SNX9: variants seen among roughly 807,000 people sequenced by gnomAD.
The protein encoded by SNX9 is sorting nexin-9.
In SNX9, 44 loss-of-function variants were observed where a neutral mutation model predicts 89.4. That is an observed-to-expected ratio of 0.49 (90% CI 0.39 to 0.63). The LOEUF is 0.63. Among genes scored for constraint, SNX9 ranks in the 30% least tolerant of loss-of-function variants. The pLI is 0.00. For missense variants in SNX9, 578 were observed against 736.1 expected (o/e 0.79, Z 2.49); for synonymous variants, 236 against 247.8 (o/e 0.95, Z 0.45).
At chr6:157,911,690 A>G (rs1029467522) in intron 9 of SNX9, among the ~76,000 whole-genome samples, 4 of 152,232 alleles carry the variant, frequency 2.6e-5, no homozygotes, top group Non-Finnish European at 4.4e-5. Context: ...TAAGATGTGG[A>G]CTGACTAATC....
intron 7 of SNX9, among the ~76,000 whole-genome samples, chr6:157,908,720 A>G (rs1783271936): frequency 6.6e-6 from 1 of 151,412 alleles, no homozygotes; most frequent in Non-Finnish European, 1.5e-5. Context: ...CAGTGCCTAG[A>G]AGAAATGATC....
intron 1 of SNX9, among the ~76,000 whole-genome samples, chr6:157,860,810 G>A (rs1782105814): frequency 6.6e-6 from 1 of 152,176 alleles, no homozygotes; most frequent in African/African-American, 2.4e-5. Context: ...TTTGATTTAT[G>A]TATTTTAAGT....
At chr6:157,916,267 C>T (rs1489251972) in intron 9 of SNX9, among the ~76,000 whole-genome samples, 1 of 152,146 alleles carries the variant, frequency 6.6e-6, no homozygotes, top group African/African-American at 2.4e-5. Context: ...ATCTCCTGAC[C>T]TCATGATTCA....
intron 4 of SNX9, 151 bp from the exon 5 acceptor site, chr6:157,896,676 A>G: frequency 1.1e-6 from 1 of 902,728 alleles, no homozygotes; most frequent in Non-Finnish European, 1.8e-6. Flanking sequence ...TTTGGAAATT[A>G]AAATATTATG....
intron 7 of SNX9, among the ~76,000 whole-genome samples, chr6:157,908,392 C>T (rs1197874907): frequency 6.6e-6 from 1 of 152,088 alleles, no homozygotes; most frequent in East Asian, 1.9e-4. Flanking sequence ...GATTATAACT[C>T]AATTATTTTT....
Position 157,907,838 on chromosome 6 carries a change from C to T in SNX9, c.705+1626C>T, listed in dbSNP as rs542265029. ...AACCTTGCCCACTCATGAAACAGAG[C>T]CCCGTGAAATTGGGCCTTAGCCAAG... On this transcript the variant is annotated intron_variant, in intron 7 of 17. Coordinates refer to ENST00000392185, the MANE Select transcript of SNX9 (RefSeq NM_016224.5). Among the ~76,000 whole-genome samples, 8 of 152,348 alleles carry T rather than the reference C, an allele frequency of 5.3e-5. No homozygotes were observed. The East Asian group carries it at 1.5e-3, about 29-fold the overall frequency.
chr6:157,934,879 C>G (rs1783892207), intron 13 of SNX9, among the ~76,000 whole-genome samples: 1 of 152,136 alleles, frequency 6.6e-6, no homozygotes, highest in Non-Finnish European at 1.5e-5. Flanking sequence ...TCCCTGGCAC[C>G]AATCGTAAGG....
intron 11 of SNX9, among the ~76,000 whole-genome samples, chr6:157,928,134 T>TTTTAC (rs1017932986): frequency 6.6e-6 from 1 of 152,200 alleles, no homozygotes; most frequent in Non-Finnish European, 1.5e-5. Context: ...TCTTTTCAGG[T>TTTTAC]TGGTAAATAC....
chr6:157,869,033 T>C (rs34230591), intron 2 of SNX9, among the ~76,000 whole-genome samples: 1,543 of 152,370 alleles, frequency 0.01, 10 homozygotes, highest in Non-Finnish European at 0.018. Context: ...ACAGGAAACC[T>C]GGCCCTTGCC....
chr6:157,928,738 G>T, intron 12 of SNX9, 36 bp downstream of exon 12: 1 of 1,483,316 alleles, frequency 6.7e-7, no homozygotes, highest in Non-Finnish European at 9.0e-7. Flanking sequence ...GGGCTCGTAG[G>T]GGGTGATGCA....
At chr6:157,852,088 T>A (rs1562594382) in intron 1 of SNX9, among the ~76,000 whole-genome samples, 1 of 152,226 alleles carries the variant, frequency 6.6e-6, no homozygotes, top group Non-Finnish European at 1.5e-5. Flanking sequence ...GAACTTTGGC[T>A]TACAAGTATC....
intron 9 of SNX9, among the ~76,000 whole-genome samples, chr6:157,913,577 A>G (rs1783396172): frequency 6.6e-6 from 1 of 152,198 alleles, no homozygotes; most frequent in Admixed American, 6.5e-5. Context: ...TTTGACAGCT[A>G]CCACTGCAGT....
chr6:157,827,983 A>G (rs1238933088), intron 1 of SNX9, among the ~76,000 whole-genome samples: 1 of 152,104 alleles, frequency 6.6e-6, no homozygotes, highest in Non-Finnish European at 1.5e-5. Context: ...GAATAAATGA[A>G]TTACTTAAGA....
At chr6:157,868,281 G>T (rs1041037212) in intron 2 of SNX9, among the ~76,000 whole-genome samples, 2 of 152,154 alleles carry the variant, frequency 1.3e-5, no homozygotes, top group South Asian at 2.1e-4. Flanking sequence ...ACCAAACCCT[G>T]TTTGAAATTG....
chr6:157,829,573 C>T (rs983923692), intron 1 of SNX9: 1 of 152,124 alleles, frequency 6.6e-6, no homozygotes, highest in Non-Finnish European at 1.5e-5. Context: ...TCTGTTGTAT[C>T]TAACTGATCC....
At chr6:157,901,772 C>A in intron 5 of SNX9, 126 bp from the exon 6 acceptor site, 1 of 1,063,716 alleles carries the variant, frequency 9.4e-7, no homozygotes, top group Non-Finnish European at 1.3e-6. Flanking sequence ...TATACTATAC[C>A]CTTTTCTCCA....
In SNX9 at chr6:157,927,150, C is replaced by T. The variant is rs1166126272; in HGVS notation, c.1120C>T (p.Leu374=). 1 of 1,614,134 alleles carries T rather than the reference C, an allele frequency of 6.2e-7. No homozygotes were observed. The highest frequency in any genetic ancestry group is 8.5e-7 in the Non-Finnish European group (1 of 1,179,996). Residue 374 remains leucine, a synonymous_variant, in exon 11 of 18, where the codon CTG becomes TTG. Coordinates refer to ENST00000392185, the MANE Select transcript of SNX9 (RefSeq NM_016224.5). ...TGKRKAERDE[L]AGVMIFSTME... ...AAAGAGGAAGGCCGAGAGAGATGAG[C>T]TGGCGGGAGTCATGATATTTTCCAC...
intron 13 of SNX9, among the ~76,000 whole-genome samples, chr6:157,933,753 A>T (rs1011660497): frequency 5.9e-5 from 9 of 152,122 alleles, no homozygotes; most frequent in African/African-American, 9.7e-5. Flanking sequence ...TGTCCTAGAG[A>T]TGCTGGAATT....
intron 4 of SNX9, among the ~76,000 whole-genome samples, chr6:157,876,729 A>T (rs779944799): frequency 6.6e-5 from 10 of 152,254 alleles, no homozygotes; most frequent in Non-Finnish European, 1.5e-4. Flanking sequence ...AAGTTTTCCC[A>T]GGGGTTCTCA....
Sources: allele counts gnomAD v4.1 joint callset (sites outside exome capture counted in the v4.1 genomes callset), GRCh38; gene constraint gnomAD v4.1.1; transcripts MANE v1.5; gene names NCBI Gene and HGNC (gene_info 2026-07-23, HGNC 2026-07-21).